The following FAM53B variants were observed in gnomAD, a reference collection of about 807,000 sequenced individuals.
FAM53B encodes family with sequence similarity 53 member B.
A neutral mutation model predicts 32.7 loss-of-function variants in FAM53B; 12 were observed. The ratio of observed to expected loss-of-function variants is 0.37; its 90% CI spans 0.24 to 0.59. The LOEUF is 0.59. FAM53B is among the 20% of genes least tolerant of loss of function. The pLI is 0.72. For synonymous variants in FAM53B, 234 were observed against 228.7 expected (o/e 1.02, Z -0.21); for missense variants, 477 against 577.7 (o/e 0.83, Z 1.79).
chr10:124,690,804 T>C (rs1949828523), intron 3 of FAM53B, among the ~76,000 whole-genome samples: 1 of 152,160 alleles, frequency 6.6e-6, no homozygotes, highest in South Asian at 2.1e-4. Context: ...CATATATATA[T>C]ACATACTTAC....
At chr10:124,657,334 C>G (rs183560050) in intron 4 of FAM53B, among the ~76,000 whole-genome samples, 4 of 151,990 alleles carry the variant, frequency 2.6e-5, no homozygotes, top group African/African-American at 9.7e-5. Flanking sequence ...GCAACAAATT[C>G]GTATTTCTTG....
At chr10:124,704,872 C>G (rs559296746) in intron 2 of FAM53B, among the ~76,000 whole-genome samples, 3 of 152,146 alleles carry the variant, frequency 2.0e-5, no homozygotes, top group South Asian at 2.1e-4. Context: ...AGAATCCTTG[C>G]GAGAGAACAG....
chr10:124,685,037 G>A (rs1321816918), intron 3 of FAM53B, among the ~76,000 whole-genome samples: 2 of 152,226 alleles, frequency 1.3e-5, no homozygotes, highest in African/African-American at 4.8e-5. Context: ...ATAACATGGA[G>A]CATGAAGAAG....
chr10:124,736,301 T>G (rs1436475561), intron 1 of FAM53B, among the ~76,000 whole-genome samples: 12 of 152,270 alleles, frequency 7.9e-5, no homozygotes, highest in Non-Finnish European at 1.5e-5. Flanking sequence ...ATCGTTTGAC[T>G]GCCAAAGGGA....
intron 1 of FAM53B, among the ~76,000 whole-genome samples, chr10:124,709,045 C>A (rs575575900): frequency 2.4e-4 from 36 of 152,366 alleles, no homozygotes; most frequent in African/African-American, 7.9e-4. Context: ...CCCAGTGTCT[C>A]GCTCATCCAG....
intron 3 of FAM53B, among the ~76,000 whole-genome samples, chr10:124,695,595 C>G (rs1011419306): frequency 3.3e-5 from 5 of 152,130 alleles, no homozygotes; most frequent in African/African-American, 9.7e-5. Flanking sequence ...GCCTCTTGAC[C>G]CAACAGCCTA....
Position 124,662,600 on chromosome 10 carries a change from GAGGCCAGGAGTTCAAGACTAGCCTA to G in FAM53B, c.906+18982_906+19006del, listed in dbSNP as rs1348906009. Reference sequence around the variant, plus strand: ...GGAGGCTCAGGCAGGAGGATGGCTTGAGGCCAGGAGTTCAAGACTAGCCTAAGCAACATAGCAAGACCCTGTCTCT... The same window carrying G: ...GGAGGCTCAGGCAGGAGGATGGCTTGAGCAACATAGCAAGACCCTGTCTCT... On this transcript the variant is annotated intron_variant, in intron 4 of 4. Coordinates refer to ENST00000337318, the MANE Select transcript of FAM53B (RefSeq NM_014661.4). 3.3e-5 allele frequency among the ~76,000 whole-genome samples: 5 copies of G among 151,744 alleles called. No individual in the cohort carries two copies. The East Asian group carries it at 9.7e-4, about 29-fold the overall frequency.
At chr10:124,723,693 G>A (rs904463570) in intron 1 of FAM53B, among the ~76,000 whole-genome samples, 1 of 152,214 alleles carries the variant, frequency 6.6e-6, no homozygotes, top group Admixed American at 6.5e-5. Context: ...GAGGCGGGCA[G>A]CACTTGCAGG....
intron 4 of FAM53B, among the ~76,000 whole-genome samples, chr10:124,669,873 CACAGGGTGGGTGAGGATT>C (rs1183681086): frequency 1.3e-5 from 2 of 150,202 alleles, no homozygotes; most frequent in African/African-American, 4.9e-5. Context: ...GGGTGAGGAC[CACAGGGTGGGTGAGGATT>C]ACAGGGTGGG....
At chr10:124,634,403 A>T (rs936132617) in intron 4 of FAM53B, among the ~76,000 whole-genome samples, 1 of 152,362 alleles carries the variant, frequency 6.6e-6, no homozygotes, top group South Asian at 2.1e-4. Flanking sequence ...CTCATCTTGA[A>T]TTGTAGTTCC....
At chr10:124,734,583 T>C (rs1950163227) in intron 1 of FAM53B, among the ~76,000 whole-genome samples, 1 of 152,148 alleles carries the variant, frequency 6.6e-6, no homozygotes, top group African/African-American at 2.4e-5. Context: ...AGGCCACCCA[T>C]GCCCAGCCAC....
intron 2 of FAM53B, among the ~76,000 whole-genome samples, 177 bp from the exon 3 acceptor site, chr10:124,696,389 A>G (rs1949870456): frequency 6.6e-6 from 1 of 152,162 alleles, no homozygotes; most frequent in Non-Finnish European, 1.5e-5. Flanking sequence ...TTAGGCCCAG[A>G]TTTTTTGTCC....
intron 4 of FAM53B, among the ~76,000 whole-genome samples, chr10:124,648,222 G>A (rs1226924707): frequency 6.6e-6 from 1 of 152,272 alleles, no homozygotes; most frequent in Non-Finnish European, 1.5e-5. Context: ...GGGAGCGTCT[G>A]TTGGAAAACC....
rs935030597 is a variant in FAM53B at position 124,682,632 on chromosome 10, A to G, written c.134-253T>C. Among the ~76,000 whole-genome samples, 3 of 152,134 alleles carry G rather than the reference A, an allele frequency of 2.0e-5. No homozygotes were observed. The highest frequency in any genetic ancestry group is 4.8e-5 in the African/African-American group (2 of 41,440). ...TCCAGATATACCCCTGGGACTCCTG[A>G]TATGGTTTTCTTTCCAGTGTACCAC... On this transcript the variant is annotated intron_variant, in intron 3 of 4. Coordinates refer to ENST00000337318, the MANE Select transcript of FAM53B (RefSeq NM_014661.4). The surrounding 1 kb of genome is among the most constrained non-coding windows in gnomAD (Gnocchi z 5.2).
intron 4 of FAM53B, chr10:124,624,190 T>C (rs1420268454): frequency 1.3e-5 from 2 of 152,866 alleles, no homozygotes; most frequent in African/African-American, 4.8e-5. Flanking sequence ...GCCCAGGCTG[T>C]AACTGCCCCA....
chr10:124,743,838 A>G (rs1400209047), intron 1 of FAM53B, among the ~76,000 whole-genome samples, 175 bp downstream of exon 1: 2 of 151,906 alleles, frequency 1.3e-5, no homozygotes, highest in East Asian at 1.9e-4. Context: ...AAGGCGAAAC[A>G]AGGCAGAAAA....
chr10:124,666,509 C>T (rs1371704233), intron 4 of FAM53B, among the ~76,000 whole-genome samples: 1 of 152,206 alleles, frequency 6.6e-6, no homozygotes, highest in African/African-American at 2.4e-5. Flanking sequence ...GACAAAGGCA[C>T]AGCCCAGTCA....
chr10:124,645,330 C>A (rs1303081224), intron 4 of FAM53B, among the ~76,000 whole-genome samples: 1 of 152,248 alleles, frequency 6.6e-6, no homozygotes, highest in Non-Finnish European at 1.5e-5. Context: ...GAACAGTAAT[C>A]ATTGAGAGCA....
intron 1 of FAM53B, among the ~76,000 whole-genome samples, chr10:124,736,665 A>C (rs571185451): frequency 6.6e-6 from 1 of 152,360 alleles, no homozygotes; most frequent in African/African-American, 2.4e-5. Flanking sequence ...GCCAGAGGGC[A>C]GCCTGGGAGG....
Sources: gnomAD v4.1 joint callset for allele counts (sites outside exome capture counted in the v4.1 genomes callset) on GRCh38, gnomAD v4.1.1 for gene constraint, Gnocchi (gnomAD v3.1) non-coding constraint, MANE v1.5 for transcripts, NCBI Gene and HGNC (gene_info 2026-07-23, HGNC 2026-07-21) for gene names.